Variants in CDK5RAP2 observed in about 807,000 individuals in gnomAD.
CDK5RAP2 encodes CDK5 regulatory subunit associated protein 2.
In CDK5RAP2, 147 loss-of-function variants were observed where a neutral mutation model predicts 232.9. The observed-to-expected ratio is 0.63, with a 90% CI of 0.55 to 0.72. CDK5RAP2 has a LOEUF of 0.72. Among genes scored for constraint, CDK5RAP2 ranks in the 30% least tolerant of loss-of-function variants. The pLI is 0.00. For missense variants in CDK5RAP2, 2,195 were observed against 2,231.5 expected, an observed-to-expected ratio of 0.98 and a Z score of 0.33; for synonymous variants, 833 against 833.7, an observed-to-expected ratio of 1.00 and a Z score of 0.01.
At chr9:120,463,912 A>G (rs1271525674) in intron 18 of CDK5RAP2, among the ~76,000 whole-genome samples, 1 of 152,230 alleles carries the variant, frequency 6.6e-6, no homozygotes, top group Non-Finnish European at 1.5e-5. Context: ...GATGTCAGAA[A>G]GAACTGAGTC....
intron 14 of CDK5RAP2, among the ~76,000 whole-genome samples, chr9:120,484,050 G>A (rs1310949311): frequency 6.6e-6 from 1 of 152,136 alleles, no homozygotes; most frequent in Non-Finnish European, 1.5e-5. Flanking sequence ...AGTTAAATAT[G>A]GTCAGTGTGT....
At chr9:120,578,585 A>C (rs1298114234) in intron 1 of CDK5RAP2, among the ~76,000 whole-genome samples, 1 of 147,288 alleles carries the variant, frequency 6.8e-6, no homozygotes, top group Non-Finnish European at 1.5e-5. Flanking sequence ...TTTTTTTTTA[A>C]AGATAGAGTC....
At chr9:120,540,973 C>G (rs1037320663) in intron 5 of CDK5RAP2, among the ~76,000 whole-genome samples, 1 of 152,250 alleles carries the variant, frequency 6.6e-6, no homozygotes, top group African/African-American at 2.4e-5. Context: ...CATCACCCCC[C>G]ACTCCCGGGG....
chr9:120,407,177 C>G lies in CDK5RAP2; in HGVS notation c.4798G>C (p.Ala1600Pro). 1 of 1,613,942 alleles carries G rather than the reference C, an allele frequency of 6.2e-7. No individual in the cohort carries two copies. Among genetic ancestry groups the G allele is most frequent in the East Asian group, 2.2e-5 (1 of 44,882 alleles). Residue 1600 changes from alanine to proline, a missense_variant, in exon 32 of 38, where the codon GCT (alanine) becomes CCT (proline). Ala to Pro is a conservative substitution (Grantham distance 27, BLOSUM62 -1). Transcript: ENST00000349780. The part of the protein sequence containing the change: ...DLHSLLMEIQ[A>P]LRLQLERSIE... ...CTCCTTTCTAGTTGCAAGCGCAGAGCCTGGATCTCCATCAGGAGGCTGTGC... is the reference window on the plus strand; with the variant it reads ...CTCCTTTCTAGTTGCAAGCGCAGAGGCTGGATCTCCATCAGGAGGCTGTGC...
In CDK5RAP2 at chr9:120,538,974, A is replaced by G; in HGVS notation, c.507+67T>C. 3 of 1,555,288 alleles carry G rather than the reference A, an allele frequency of 1.9e-6. No individual in the cohort carries two copies. In the South Asian group the frequency reaches 3.3e-5, roughly 17 times the overall value. ...ACTGACGGTTTATAAAAAAAGAAAC[A>G]AAACTGTGCCAGCCTATTATTAACC... On this transcript the variant is annotated intron_variant, in intron 6 of 37. Transcript: ENST00000349780.
intron 3 of CDK5RAP2, 23 bp downstream of exon 3, chr9:120,568,298 A>G: frequency 1.3e-6 from 2 of 1,571,604 alleles, no homozygotes; most frequent in Non-Finnish European, 1.8e-6. Flanking sequence ...TGTTGGGGGC[A>G]GTAATTTGGT....
chr9:120,525,646 C>G (rs2040866541), intron 10 of CDK5RAP2, among the ~76,000 whole-genome samples: 1 of 152,038 alleles, frequency 6.6e-6, no homozygotes, highest in Admixed American at 6.5e-5. Context: ...GAGACGGGGT[C>G]TTGCTCTGTC....
At chr9:120,518,764 A>G (rs2040484236) in intron 11 of CDK5RAP2, 119 bp from the exon 12 acceptor site, 1 of 765,742 alleles carries the variant, frequency 1.3e-6, no homozygotes, top group Non-Finnish European at 2.2e-6. Flanking sequence ...ATTAACATAG[A>G]CAACATTCAG....
At chr9:120,427,358 C>T (rs1256565142) in intron 25 of CDK5RAP2, among the ~76,000 whole-genome samples, 2 of 152,204 alleles carry the variant, frequency 1.3e-5, no homozygotes, top group African/African-American at 2.4e-5. Flanking sequence ...CCATGGGCCA[C>T]GGATTGGACA....
intron 16 of CDK5RAP2, among the ~76,000 whole-genome samples, 153 bp downstream of exon 16, chr9:120,471,594 AG>A (rs1370008791): frequency 6.6e-6 from 1 of 152,226 alleles, no homozygotes; most frequent in East Asian, 1.9e-4. Flanking sequence ...TCTACTAGGA[AG>A]GCTAACATCA....
intron 12 of CDK5RAP2, chr9:120,517,808 C>A: frequency 3.1e-6 from 1 of 321,660 alleles, no homozygotes; most frequent in South Asian, 2.8e-5. Flanking sequence ...GCCTATAATC[C>A]CAGCTACTCA....
chr9:120,550,017 G>A (rs548991522), intron 4 of CDK5RAP2, among the ~76,000 whole-genome samples: 1 of 152,332 alleles, frequency 6.6e-6, no homozygotes, highest in African/African-American at 2.4e-5. Flanking sequence ...AAACTTCAGA[G>A]GAGAAAAGTC....
Position 120,403,102 on chromosome 9 carries a change from G to A in CDK5RAP2, c.5042-31C>T, listed in dbSNP as rs1396614977. Reference sequence around the variant, plus strand: ...AAATGAGAAGTAGGATGTAAAATCTGTTTCAGGTAACACTCTGCGTTCAAG... The same window carrying A: ...AAATGAGAAGTAGGATGTAAAATCTATTTCAGGTAACACTCTGCGTTCAAG... On this transcript the variant is annotated intron_variant, in intron 33 of 37. Coordinates refer to ENST00000349780, the MANE Select transcript of CDK5RAP2 (RefSeq NM_018249.6). This position sits in a 1 kb window ranked among gnomAD's most constrained non-coding sequence, Gnocchi z 4.2. 1.2e-6 allele frequency: 2 copies of A among 1,611,934 alleles called. No individual in the cohort carries two copies. Among genetic ancestry groups the A allele is most frequent in the Non-Finnish European group, 1.7e-6 (2 of 1,178,258 alleles).
chr9:120,466,259 C>T (rs1198385156), intron 18 of CDK5RAP2, among the ~76,000 whole-genome samples: 2 of 152,004 alleles, frequency 1.3e-5, no homozygotes, highest in African/African-American at 2.4e-5. Flanking sequence ...AGGAGAACCA[C>T]GCATACTCCC....
intron 4 of CDK5RAP2, among the ~76,000 whole-genome samples, chr9:120,549,694 C>T (rs1468618311): frequency 1.3e-5 from 2 of 152,288 alleles, no homozygotes; most frequent in Non-Finnish European, 2.9e-5. Flanking sequence ...GCAACAGACA[C>T]GTTTTGTATT....
intron 3 of CDK5RAP2, among the ~76,000 whole-genome samples, chr9:120,566,351 A>G (rs1452880939): frequency 6.6e-6 from 1 of 152,234 alleles, no homozygotes; most frequent in Non-Finnish European, 1.5e-5. Context: ...ACAATAAAAA[A>G]TATTAATGCC....
intron 12 of CDK5RAP2, among the ~76,000 whole-genome samples, chr9:120,499,918 G>A (rs1326522329): frequency 6.6e-6 from 1 of 151,976 alleles, no homozygotes; most frequent in Non-Finnish European, 1.5e-5. Context: ...TATACTATAT[G>A]GCCTACAAAG....
chr9:120,402,613 C>A (rs2033118696), intron 34 of CDK5RAP2, among the ~76,000 whole-genome samples, 193 bp downstream of exon 34: 3 of 152,142 alleles, frequency 2.0e-5, no homozygotes, highest in Admixed American at 2.0e-4. Context: ...ACACAAGGCA[C>A]AAACCCCACC....
At chr9:120,576,908 T>C (rs1413293420) in intron 1 of CDK5RAP2, among the ~76,000 whole-genome samples, 1 of 151,764 alleles carries the variant, frequency 6.6e-6, no homozygotes, top group Non-Finnish European at 1.5e-5. Context: ...AGACTGTCTC[T>C]AAAAAAAATT....
Sources: allele counts gnomAD v4.1 joint callset (sites outside exome capture counted in the v4.1 genomes callset), GRCh38; gene constraint gnomAD v4.1.1; non-coding constraint Gnocchi (gnomAD v3.1); transcripts MANE v1.5; gene names NCBI Gene and HGNC (gene_info 2026-07-23, HGNC 2026-07-21).